GLB1: variants seen among roughly 807,000 people sequenced by gnomAD.
GLB1 encodes the protein galactosidase beta 1.
In GLB1, 56 loss-of-function variants were observed where a neutral mutation model predicts 74.0. The ratio of observed to expected loss-of-function variants is 0.76; its 90% CI spans 0.61 to 0.94. The LOEUF is 0.94. GLB1 is among the 40% of genes least tolerant of loss of function. GLB1 has a pLI of 0.00. For missense variants in GLB1, 787 were observed against 845.5 expected, an observed-to-expected ratio of 0.93 and a Z score of 0.86; for synonymous variants, 323 against 323.6, an observed-to-expected ratio of 1.00 and a Z score of 0.02.
chr3:33,030,784 C>G lies in GLB1; in HGVS notation c.1069-6459G>C. 3 of 985,418 alleles carry G rather than the reference C, an allele frequency of 3.0e-6. No individual in the cohort carries two copies. The South Asian group carries it at 1.4e-4, about 46-fold the overall frequency. 61.0% of individuals were successfully genotyped at this position (985,418 alleles called of 1,614,324 possible). Reference sequence around the variant, plus strand: ...CTACAGTGACCCATTTCCAAAACATCAGCGGAACTCTTACGTTGATGGAAT... The same window carrying G: ...CTACAGTGACCCATTTCCAAAACATGAGCGGAACTCTTACGTTGATGGAAT... On this transcript the variant is annotated intron_variant, in intron 10 of 15. Transcript: ENST00000307363.
chr3:33,060,982 G>GA (rs558114399), intron 5 of GLB1, among the ~76,000 whole-genome samples: 1 of 151,236 alleles, frequency 6.6e-6, no homozygotes, highest in Non-Finnish European at 1.5e-5. Flanking sequence ...TACCAATTAG[G>GA]AAAAAAAAAG....
chr3:32,998,627 C>T (rs748955490), intron 15 of GLB1, among the ~76,000 whole-genome samples: 5 of 151,166 alleles, frequency 3.3e-5, no homozygotes, highest in South Asian at 2.1e-4. Context: ...ATCACATACA[C>T]GCAAAAGAAA....
intron 1 of GLB1, among the ~76,000 whole-genome samples, chr3:33,088,391 AC>A (rs1700616847): frequency 6.6e-6 from 1 of 151,752 alleles, no homozygotes; most frequent in Non-Finnish European, 1.5e-5. Context: ...ACACACACAC[AC>A]ACACACACAC....
At chr3:33,038,994 T>C (rs540027192) in intron 10 of GLB1, among the ~76,000 whole-genome samples, 1 of 151,630 alleles carries the variant, frequency 6.6e-6, no homozygotes, top group South Asian at 2.1e-4. Context: ...CAAAAACGAA[T>C]AGAAAAAAAA....
At chr3:33,074,148 G>T (rs1699995742) in intron 1 of GLB1, among the ~76,000 whole-genome samples, 1 of 148,004 alleles carries the variant, frequency 6.8e-6, no homozygotes, top group South Asian at 2.2e-4. Context: ...AAGCATCCTG[G>T]CCAACATGGT....
intron 4 of GLB1, among the ~76,000 whole-genome samples, chr3:33,066,420 C>T (rs1318189510): frequency 6.6e-6 from 1 of 152,180 alleles, no homozygotes; most frequent in Non-Finnish European, 1.5e-5. Flanking sequence ...GCCCCCTCAC[C>T]ATGTGATGCC....
In GLB1 at chr3:33,053,622, T is replaced by A. The variant is rs1405458242; in HGVS notation, c.734-73A>T. The A allele has an allele frequency of 1.3e-5, 20 of 1,599,866 alleles. No individual in the cohort carries two copies. In the East Asian group the frequency reaches 4.2e-4, roughly 34 times the overall value. On this transcript the variant is annotated intron_variant, in intron 6 of 15. Coordinates refer to ENST00000307363, the MANE Select transcript of GLB1 (RefSeq NM_000404.4). ...GAAGTTAAATAACAAGAGCCCTTCATGGGACTCGGGCCTGAAGCCCTGCTA... is the reference window on the plus strand; with the variant it reads ...GAAGTTAAATAACAAGAGCCCTTCAAGGGACTCGGGCCTGAAGCCCTGCTA...
intron 13 of GLB1, among the ~76,000 whole-genome samples, chr3:33,018,160 C>T (rs1202857748): frequency 6.6e-6 from 1 of 151,736 alleles, no homozygotes; most frequent in Non-Finnish European, 1.5e-5. Flanking sequence ...GTGGTGCACC[C>T]CTGTAGTCTC....
intron 1 of GLB1, among the ~76,000 whole-genome samples, chr3:33,085,592 G>A (rs1559418415): frequency 6.6e-6 from 1 of 151,820 alleles, no homozygotes; most frequent in Non-Finnish European, 1.5e-5. Flanking sequence ...CGCCTAAATT[G>A]TGATCTGCAA....
intron 15 of GLB1, among the ~76,000 whole-genome samples, chr3:33,013,678 C>A (rs1019306639): frequency 6.6e-6 from 1 of 152,162 alleles, no homozygotes; most frequent in Non-Finnish European, 1.5e-5. Context: ...ATTCTGGGAG[C>A]ACTGGGCTTG....
intron 1 of GLB1, chr3:33,077,185 T>C: frequency 6.7e-7 from 1 of 1,482,474 alleles, no homozygotes; most frequent in Non-Finnish European, 9.0e-7. Context: ...AAGCGGCAGC[T>C]GAGACTTAGG....
At chr3:33,000,650 C>T (rs1490401819) in intron 15 of GLB1, among the ~76,000 whole-genome samples, 2 of 152,164 alleles carry the variant, frequency 1.3e-5, no homozygotes, top group Admixed American at 6.5e-5. Context: ...TCGCTTGAAC[C>T]TGGAAGGTGG....
At chr3:32,980,864 G>A in the GLB1 span, among the ~76,000 whole-genome samples, 2 of 151,954 alleles carry the variant, frequency 1.3e-5, no homozygotes, top group African/African-American at 4.8e-5. Flanking sequence ...GCTGAGGCAA[G>A]TAGATCACTT....
intron 1 of GLB1, among the ~76,000 whole-genome samples, chr3:33,083,849 AAAATT>A (rs1700413449): frequency 6.6e-6 from 1 of 152,212 alleles, no homozygotes; most frequent in Non-Finnish European, 1.5e-5. Context: ...TTTTTTAAAA[AAAATT>A]AAACATAACA....
intron 10 of GLB1, chr3:33,034,785 T>C: frequency 1.6e-6 from 1 of 632,528 alleles, no homozygotes; most frequent in South Asian, 1.4e-5. Context: ...GCTTCAGTCA[T>C]AGAGGGCCAG....
chr3:33,032,947 A>C (rs1282125835), intron 10 of GLB1, among the ~76,000 whole-genome samples: 1 of 152,202 alleles, frequency 6.6e-6, no homozygotes, highest in African/African-American at 2.4e-5. Flanking sequence ...CCCTGTGTCA[A>C]ATGTCCTCTT....
intron 1 of GLB1, among the ~76,000 whole-genome samples, chr3:33,082,997 CA>C (rs1435788097): frequency 6.6e-6 from 1 of 152,144 alleles, no homozygotes; most frequent in African/African-American, 2.4e-5. Context: ...CAGTCCACTT[CA>C]TGGACCCAAG....
the GLB1 span, among the ~76,000 whole-genome samples, chr3:32,962,259 A>G: frequency 6.6e-6 from 1 of 152,056 alleles, no homozygotes; most frequent in Non-Finnish European, 1.5e-5. Flanking sequence ...ACTACATGTC[A>G]TTAGTTCTGG....
At chr3:33,034,354 T>C in intron 10 of GLB1, 1 of 757,252 alleles carries the variant, frequency 1.3e-6, no homozygotes, top group Non-Finnish European at 2.5e-6. Context: ...CTGTTGTACC[T>C]GGAAGCCTCA....
Sources: allele counts gnomAD v4.1 joint callset (sites outside exome capture counted in the v4.1 genomes callset), GRCh38; gene constraint gnomAD v4.1.1; transcripts MANE v1.5; gene names NCBI Gene and HGNC (gene_info 2026-07-23, HGNC 2026-07-21).